Variants in MSRA observed in about 807,000 individuals in gnomAD.
MSRA encodes the protein methionine sulfoxide reductase A, also known as mitochondrial peptide methionine sulfoxide reductase.
Under a neutral mutation model 31.3 loss-of-function variants are expected in MSRA, and 54 were observed. The ratio of observed to expected loss-of-function variants is 1.73; its 90% confidence interval spans 1.39 to 2.17. The LOEUF (loss-of-function observed/expected upper bound fraction) is 2.17, where lower values mean the gene tolerates loss of function less well. Among genes scored for constraint, MSRA ranks in the 30% most tolerant of loss-of-function variants. MSRA has a pLI of 0.00. For missense variants in MSRA, 507 were observed against 300.9 expected (o/e 1.69, Z -5.07); for synonymous variants, 169 against 116.5 (o/e 1.45, Z -2.90).
At chr8:10,241,601 A>G (rs919491789) in intron 2 of MSRA, among the ~76,000 whole-genome samples, 5 of 152,206 alleles carry the variant, frequency 3.3e-5, no homozygotes, top group Non-Finnish European at 5.9e-5. Flanking sequence ...ATTATAAGGT[A>G]TGAAAATGAA....
At chr8:10,207,783 T>A in intron 1 of MSRA, 50 bp from the exon 2 acceptor site, 1 of 1,518,774 alleles carries the variant, frequency 6.6e-7, no homozygotes, top group Non-Finnish European at 9.0e-7. Flanking sequence ...TGTGTTAGTA[T>A]GTGTTAGAAC....
At chr8:10,089,655 G>T (rs1798761114) in intron 1 of MSRA, among the ~76,000 whole-genome samples, 1 of 152,206 alleles carries the variant, frequency 6.6e-6, no homozygotes, top group African/African-American at 2.4e-5. Flanking sequence ...TTCCTTCACA[G>T]TTCTGCAGGC....
intron 5 of MSRA, among the ~76,000 whole-genome samples, chr8:10,340,624 C>T (rs1333004346): frequency 5.9e-5 from 9 of 152,250 alleles, no homozygotes; most frequent in African/African-American, 2.2e-4. Context: ...CCGCCTGCCT[C>T]AGCCTCCCAA....
chr8:10,147,661 G>C (rs1223616402), intron 1 of MSRA, among the ~76,000 whole-genome samples: 2 of 152,188 alleles, frequency 1.3e-5, no homozygotes, highest in African/African-American at 4.8e-5. Flanking sequence ...GCCTGGCACT[G>C]CTCTTGGCAT....
rs1004932396 is a variant in MSRA at position 10,428,843 on chromosome 8, C to G, written c.*531C>G. ...ATGAATTCTAATGCTTTGCTTAGAG[C>G]TATGAGAAATGTTTGTTTTAATAAA... On this transcript the variant is annotated 3_prime_UTR_variant, in exon 6 of 6. Coordinates refer to ENST00000317173, the MANE Select transcript of MSRA (RefSeq NM_012331.5). 1.3e-5 allele frequency: 2 copies of G among 153,826 alleles called. No homozygotes were observed. Among genetic ancestry groups the G allele is most frequent in the African/African-American group, 4.8e-5 (2 of 41,566 alleles). 9.5% of individuals were successfully genotyped at this position (153,826 alleles called of 1,614,324 possible). A position where few individuals can be genotyped will look rare whatever the true frequency, so the allele number is the denominator to read the frequency against.
intron 5 of MSRA, among the ~76,000 whole-genome samples, chr8:10,338,056 T>G (rs1803168564): frequency 1.3e-5 from 2 of 152,024 alleles, no homozygotes; most frequent in Admixed American, 1.3e-4. Context: ...AAAATATCCT[T>G]AAGTGGGAGA....
intron 5 of MSRA, among the ~76,000 whole-genome samples, chr8:10,349,777 C>T (rs1804011288): frequency 6.6e-6 from 1 of 152,242 alleles, no homozygotes. Context: ...GGCCATCTCC[C>T]CGTTGCTGTT....
Position 10,175,921 on chromosome 8 carries a change from A to G in MSRA, c.143-31912A>G, listed in dbSNP as rs999085609. Among the ~76,000 whole-genome samples the G allele has an allele frequency of 4.6e-5, 7 of 152,350 alleles. No individual in the cohort carries two copies. In the South Asian group the frequency reaches 6.2e-4, roughly 14 times the overall value. Reference sequence around the variant, plus strand: ...CATTCCTTACAATAGATGTAGCAGAATGGGATAAGGCAGCATCATTTTCTT... The same window carrying G: ...CATTCCTTACAATAGATGTAGCAGAGTGGGATAAGGCAGCATCATTTTCTT... On this transcript the variant is annotated intron_variant, in intron 1 of 5. Transcript: ENST00000317173.
At chr8:10,283,354 C>G (rs1412587665) in intron 3 of MSRA, among the ~76,000 whole-genome samples, 1 of 152,050 alleles carries the variant, frequency 6.6e-6, no homozygotes, top group African/African-American at 2.4e-5. Flanking sequence ...GTATTGTGCT[C>G]CTATCCAGCA....
rs975562111 is a variant in MSRA, at chr8:10,413,248, C to T, written c.544-14900C>T. Reference sequence around the variant, plus strand: ...TGTGCTCTAGCGCACACACAGCCCTCAGCAAAGGTAGGAGTCTGGTGCTTC... The same window carrying T: ...TGTGCTCTAGCGCACACACAGCCCTTAGCAAAGGTAGGAGTCTGGTGCTTC... On this transcript the variant is annotated intron_variant, in intron 5 of 5. Coordinates refer to ENST00000317173, the MANE Select transcript of MSRA (RefSeq NM_012331.5). Among the ~76,000 whole-genome samples, 9 of 152,188 alleles carry T rather than the reference C, an allele frequency of 5.9e-5. No homozygotes were observed. In the East Asian group the frequency reaches 1.2e-3, roughly 20 times the overall value.
intron 5 of MSRA, among the ~76,000 whole-genome samples, chr8:10,330,905 G>T (rs948191165): frequency 2.0e-5 from 3 of 152,202 alleles, no homozygotes; most frequent in African/African-American, 7.2e-5. Context: ...TCTACCCCCA[G>T]TGTGATGGTG....
chr8:10,346,630 A>T (rs1585541424), intron 5 of MSRA, among the ~76,000 whole-genome samples: 1 of 152,230 alleles, frequency 6.6e-6, no homozygotes. Flanking sequence ...GAAAGCTTCA[A>T]GTATGTCCTG....
chr8:10,137,114 A>G (rs994204598), intron 1 of MSRA, among the ~76,000 whole-genome samples: 4 of 152,192 alleles, frequency 2.6e-5, no homozygotes, highest in African/African-American at 9.6e-5. Flanking sequence ...GAGGGCACAC[A>G]TTTAACAGAA....
intron 5 of MSRA, among the ~76,000 whole-genome samples, chr8:10,355,129 G>T (rs903961081): frequency 6.6e-6 from 1 of 152,170 alleles, no homozygotes; most frequent in African/African-American, 2.4e-5. Context: ...GCCGGGTTCC[G>T]TGCACCTCCT....
intron 3 of MSRA, among the ~76,000 whole-genome samples, chr8:10,274,011 G>A (rs1799185579): frequency 6.6e-6 from 1 of 152,072 alleles, no homozygotes; most frequent in Non-Finnish European, 1.5e-5. Flanking sequence ...GGAAGCCTCT[G>A]GGAACCAGGA....
intron 5 of MSRA, among the ~76,000 whole-genome samples, chr8:10,322,950 C>T (rs780350829): frequency 3.3e-5 from 5 of 151,940 alleles, no homozygotes; most frequent in Non-Finnish European, 7.4e-5. Flanking sequence ...ATTAGCCAGG[C>T]GTGGTTACAC....
At chr8:10,095,957 A>C in intron 1 of MSRA, 1 of 1,369,168 alleles carries the variant, frequency 7.3e-7, no homozygotes, top group Non-Finnish European at 9.5e-7. Context: ...AGGGAATATT[A>C]ATTTTCTACA....
intron 5 of MSRA, among the ~76,000 whole-genome samples, chr8:10,330,827 A>G (rs1356683257): frequency 2.0e-5 from 3 of 152,162 alleles, no homozygotes; most frequent in East Asian, 3.8e-4. Context: ...GCATATAAAG[A>G]AGCCCGTTTT....
intron 1 of MSRA, among the ~76,000 whole-genome samples, chr8:10,131,572 C>T (rs1036492577): frequency 2.0e-5 from 3 of 152,164 alleles, no homozygotes; most frequent in South Asian, 2.1e-4. Context: ...ATTTACTGCT[C>T]GTTAATGAAT....
Sources: allele counts gnomAD v4.1 joint callset (sites outside exome capture counted in the v4.1 genomes callset), GRCh38; gene constraint gnomAD v4.1.1; transcripts MANE v1.5; gene names NCBI Gene and HGNC (gene_info 2026-07-23, HGNC 2026-07-21).